The following EYS variants were observed in gnomAD, a reference collection of about 807,000 sequenced individuals.
EYS encodes the protein protein eyes shut homolog.
A neutral mutation model predicts 282.1 loss-of-function variants in EYS; 250 were observed. That is an observed-to-expected ratio of 0.89 (90% CI 0.80 to 0.98). EYS has a LOEUF of 0.98. Among genes scored for constraint, EYS ranks in the 50% least tolerant of loss-of-function variants. The pLI is 0.00. For synonymous variants in EYS, 1,355 were observed against 1,282.9 expected (o/e 1.06, Z -1.20); for missense variants, 4,016 against 3,709.0 (o/e 1.08, Z -2.15).
chr6:65,572,059 A>G (rs1764494116), intron 2 of EYS, among the ~76,000 whole-genome samples: 1 of 152,086 alleles, frequency 6.6e-6, no homozygotes, highest in Admixed American at 6.6e-5. Context: ...GAATATCAAA[A>G]CATGAAAAGC....
At chr6:64,703,427 A>ATTTTTT (rs1488123469) in intron 22 of EYS, among the ~76,000 whole-genome samples, 5 of 28,416 alleles carry the variant, frequency 1.8e-4, no homozygotes, top group African/African-American at 4.0e-4. Context: ...ATATATATAT[A>ATTTTTT]TATTTTTTTT....
rs146078416 is a variant in EYS at position 63,738,894 on chromosome 6, G to A, written c.8072-12214C>T. On this transcript the variant is annotated intron_variant, in intron 41 of 42. Coordinates refer to ENST00000503581, the MANE Select transcript of EYS (RefSeq NM_001142800.2). Reference sequence around the variant, plus strand: ...CCCACTAGCAGCATTAACTTTCATCGATGACTCCAGCAGGAATTAACTACC... The same window carrying A: ...CCCACTAGCAGCATTAACTTTCATCAATGACTCCAGCAGGAATTAACTACC... Among the ~76,000 whole-genome samples, 306 of 151,974 alleles carry A rather than the reference G, an allele frequency of 2.0e-3. 2 individuals are homozygous for A. Among genetic ancestry groups the A allele is most frequent in the Non-Finnish European group, 3.2e-3 (217 of 67,968 alleles).
intron 22 of EYS, among the ~76,000 whole-genome samples, chr6:64,783,479 A>G (rs1300212748): frequency 6.6e-6 from 1 of 152,000 alleles, no homozygotes; most frequent in Non-Finnish European, 1.5e-5. Flanking sequence ...TTATATCTTC[A>G]TTATGTGCTA....
chr6:64,981,579 C>T (rs1770666395), intron 14 of EYS, among the ~76,000 whole-genome samples: 1 of 151,216 alleles, frequency 6.6e-6, no homozygotes, highest in Admixed American at 6.6e-5. Flanking sequence ...GGTCAGGTAA[C>T]CGAAGCATAG....
At chr6:63,987,865 G>A (rs72875037) in intron 34 of EYS, among the ~76,000 whole-genome samples, 5,688 of 151,682 alleles carry the variant, frequency 0.037, 184 homozygotes, top group Middle Eastern at 0.085. Flanking sequence ...TTTTCATGTG[G>A]ATGTACTTTT....
At chr6:64,016,900 C>T (rs1303541570) in intron 33 of EYS, among the ~76,000 whole-genome samples, 1 of 152,058 alleles carries the variant, frequency 6.6e-6, no homozygotes, top group African/African-American at 2.4e-5. Flanking sequence ...TTTTCAATTC[C>T]TTTACTTCTG....
chr6:65,325,670 A>G (rs532134626), intron 11 of EYS, among the ~76,000 whole-genome samples: 1 of 152,074 alleles, frequency 6.6e-6, no homozygotes, highest in East Asian at 1.9e-4. Flanking sequence ...AATACTTCCT[A>G]GTTTTCTGAT....
intron 30 of EYS, among the ~76,000 whole-genome samples, chr6:64,248,597 G>A (rs1767096037): frequency 6.6e-6 from 1 of 152,120 alleles, no homozygotes; most frequent in African/African-American, 2.4e-5. Flanking sequence ...TGTTGGCAAG[G>A]ATACAGGGAA....
intron 2 of EYS, among the ~76,000 whole-genome samples, chr6:65,555,068 T>C (rs1163485928): frequency 6.6e-6 from 1 of 152,064 alleles, no homozygotes; most frequent in African/African-American, 2.4e-5. Context: ...AAAGACTGTT[T>C]CAAAGCAAAT....
At chr6:65,662,402 C>A (rs1768037088) in intron 1 of EYS, among the ~76,000 whole-genome samples, 1 of 152,124 alleles carries the variant, frequency 6.6e-6, no homozygotes. Flanking sequence ...TTTTTTCACT[C>A]AAACACCCAT....
chr6:63,813,090 C>CA (rs1321592015), intron 36 of EYS, among the ~76,000 whole-genome samples: 1 of 152,118 alleles, frequency 6.6e-6, no homozygotes, highest in Non-Finnish European at 1.5e-5. Context: ...ACAATCCTCT[C>CA]ACCTCAGCCT....
intron 12 of EYS, among the ~76,000 whole-genome samples, chr6:65,068,880 C>A (rs946097936): frequency 6.6e-6 from 1 of 151,964 alleles, no homozygotes; most frequent in Non-Finnish European, 1.5e-5. Context: ...ATTTATAAAC[C>A]TTTCTTAGAT....
At chr6:65,446,825 A>AG in intron 5 of EYS, among the ~76,000 whole-genome samples, 1 of 151,646 alleles carries the variant, frequency 6.6e-6, no homozygotes, top group Non-Finnish European at 1.5e-5. Flanking sequence ...GAAACATAAA[A>AG]TATTACAAGC....
intron 12 of EYS, among the ~76,000 whole-genome samples, chr6:65,113,096 ACCT>A (rs1388317767): frequency 2.6e-5 from 4 of 151,834 alleles, no homozygotes; most frequent in Non-Finnish European, 5.9e-5. Context: ...GCTCTTGCAA[ACCT>A]CCTTTTAGTT....
At chr6:63,733,307 T>C (rs114690796) in intron 41 of EYS, among the ~76,000 whole-genome samples, 1,763 of 152,244 alleles carry the variant, frequency 0.012, 30 homozygotes, top group African/African-American at 0.038. Context: ...GTATTTTAGG[T>C]CCAAGGGTAC....
chr6:64,463,220 G>A lies in EYS; in HGVS notation c.5645-23868C>T, dbSNP rs149302131. Among the ~76,000 whole-genome samples, 159 of 152,130 alleles carry A rather than the reference G, an allele frequency of 1.0e-3. No homozygotes were observed. The Middle Eastern group carries it at 0.02, about 20-fold the overall frequency. On this transcript the variant is annotated intron_variant, in intron 26 of 42. Coordinates refer to ENST00000503581, the MANE Select transcript of EYS (RefSeq NM_001142800.2). ...CCCCTCTAGGCCTCCCAAAGTGCTGGGATTACAGGCGTGAGCCACTGCGCC... is the reference window on the plus strand; with the variant it reads ...CCCCTCTAGGCCTCCCAAAGTGCTGAGATTACAGGCGTGAGCCACTGCGCC...
chr6:64,074,570 C>T (rs1771700313), intron 32 of EYS, among the ~76,000 whole-genome samples: 1 of 151,394 alleles, frequency 6.6e-6, no homozygotes, highest in Non-Finnish European at 1.5e-5. Context: ...TAATAATGCT[C>T]CCAATATCAA....
At chr6:65,400,880 T>C (rs1372396681) in intron 7 of EYS, among the ~76,000 whole-genome samples, 1 of 151,916 alleles carries the variant, frequency 6.6e-6, no homozygotes, top group Non-Finnish European at 1.5e-5. Flanking sequence ...GTTAAACTAG[T>C]TGGAAGGTAT....
At chr6:65,069,579 ACTTT>A (rs1164890329) in intron 12 of EYS, among the ~76,000 whole-genome samples, 3 of 151,708 alleles carry the variant, frequency 2.0e-5, no homozygotes, top group African/African-American at 7.3e-5. Context: ...TTTATCCTTT[ACTTT>A]GTGTGTCTCT....
Sources: gnomAD v4.1 joint callset for allele counts (sites outside exome capture counted in the v4.1 genomes callset) on GRCh38, gnomAD v4.1.1 for gene constraint, MANE v1.5 for transcripts, NCBI Gene and HGNC (gene_info 2026-07-23, HGNC 2026-07-21) for gene names.